ZHX2: variants seen among roughly 807,000 people sequenced by gnomAD.
The protein encoded by ZHX2 is zinc fingers and homeoboxes 2.
A neutral mutation model predicts 21.9 loss-of-function variants in ZHX2; 6 were observed. That is an observed-to-expected ratio of 0.27 (90% CI 0.15 to 0.54). The LOEUF is 0.54. Among genes scored for constraint, ZHX2 ranks in the 20% least tolerant of loss-of-function variants. The pLI, the probability that ZHX2 is intolerant of heterozygous loss-of-function variation, is 0.95. For missense variants in ZHX2, 908 were observed against 1,090.7 expected, an observed-to-expected ratio of 0.83 and a Z score of 2.36; for synonymous variants, 434 against 437.1, an observed-to-expected ratio of 0.99 and a Z score of 0.09.
intron 2 of ZHX2, among the ~76,000 whole-genome samples, chr8:122,879,161 A>G (rs1198009167): frequency 6.6e-6 from 1 of 152,182 alleles, no homozygotes; most frequent in African/African-American, 2.4e-5. Flanking sequence ...CTGCCTAGAA[A>G]TGGAGGTCAA....
chr8:122,955,839 A>ATTTTTTT, intron 3 of ZHX2, among the ~76,000 whole-genome samples: 1 of 104,922 alleles, frequency 9.5e-6, no homozygotes, highest in Non-Finnish European at 1.8e-5. Context: ...TGAGGGAGTG[A>ATTTTTTT]TTTTTTTTTT....
At chr8:122,853,040 A>G (rs1391874296) in intron 1 of ZHX2, among the ~76,000 whole-genome samples, 1 of 152,128 alleles carries the variant, frequency 6.6e-6, no homozygotes, top group African/African-American at 2.4e-5. Flanking sequence ...ATGGAGAAAA[A>G]GGTTGAGAAA....
chr8:122,881,408 G>A (rs1315358785), intron 2 of ZHX2, among the ~76,000 whole-genome samples: 1 of 152,204 alleles, frequency 6.6e-6, no homozygotes, highest in East Asian at 1.9e-4. Flanking sequence ...CCAAGTTATT[G>A]ACTTCTCTGT....
chr8:122,966,760 A>AAG (rs1563610957), intron 3 of ZHX2, among the ~76,000 whole-genome samples: 1 of 152,206 alleles, frequency 6.6e-6, no homozygotes. Context: ...TCTAGACTTT[A>AAG]AGATTTCTCT....
intron 3 of ZHX2, among the ~76,000 whole-genome samples, chr8:122,967,177 C>T (rs6470126): frequency 0.63 from 95,909 of 152,068 alleles, 31,015 homozygotes; most frequent in African/African-American, 0.78. Context: ...GGTTTGAGTC[C>T]GTTGCTAGAG....
chr8:122,840,267 C>G (rs1207043048), intron 1 of ZHX2, among the ~76,000 whole-genome samples: 1 of 152,162 alleles, frequency 6.6e-6, no homozygotes, highest in East Asian at 1.9e-4. Context: ...TTACTCTTCC[C>G]ACAGTTACTC....
intron 1 of ZHX2, among the ~76,000 whole-genome samples, chr8:122,858,634 CTTTCTT>C (rs1210211669): frequency 3.2e-5 from 4 of 124,064 alleles, no homozygotes; most frequent in African/African-American, 8.8e-5. Context: ...TTTTTTCTTT[CTTTCTT>C]TTTTTTTTTT....
intron 2 of ZHX2, among the ~76,000 whole-genome samples, chr8:122,891,767 C>A (rs1819985942): frequency 6.6e-6 from 1 of 152,046 alleles, no homozygotes. Flanking sequence ...TAGTTTTATT[C>A]CATTGTGGTG....
chr8:122,916,520 T>A (rs1463807055), intron 2 of ZHX2, among the ~76,000 whole-genome samples: 1 of 152,182 alleles, frequency 6.6e-6, no homozygotes, highest in Admixed American at 6.5e-5. Context: ...CTAGAGGTAC[T>A]TTTTTGAGGC....
At chr8:122,964,303 C>T (rs1813526618) in intron 3 of ZHX2, among the ~76,000 whole-genome samples, 1 of 151,976 alleles carries the variant, frequency 6.6e-6, no homozygotes, top group South Asian at 2.1e-4. Context: ...CTTTTATTAC[C>T]TCAAGGTGTG....
intron 3 of ZHX2, among the ~76,000 whole-genome samples, chr8:122,966,534 A>T (rs748402635): frequency 8.5e-5 from 13 of 152,238 alleles, no homozygotes; most frequent in Non-Finnish European, 1.6e-4. Context: ...TGTGAATCTG[A>T]TAGGTTTTCC....
intron 1 of ZHX2, among the ~76,000 whole-genome samples, chr8:122,833,989 T>A (rs546901540): frequency 0.028 from 3,559 of 126,132 alleles, 79 homozygotes; most frequent in Non-Finnish European, 0.04. Flanking sequence ...AGAGCAAGAC[T>A]CCGTCTCAAA....
chr8:122,861,559 G>C (rs1427283244), intron 1 of ZHX2, among the ~76,000 whole-genome samples: 4 of 152,062 alleles, frequency 2.6e-5, no homozygotes, highest in Admixed American at 2.6e-4. Context: ...GCAGAGTGTG[G>C]AGCAAGAGCA....
intron 2 of ZHX2, among the ~76,000 whole-genome samples, chr8:122,881,456 AT>A (rs1323856313): frequency 3.9e-5 from 6 of 152,174 alleles, no homozygotes; most frequent in Admixed American, 2.0e-4. Context: ...GGATAATTGT[AT>A]TTACCTCTCA....
At position 122,920,299 on chromosome 8, in the gene ZHX2, A is replaced by G. The variant is rs150724347; in HGVS notation, c.-219-30993A>G. On this transcript the variant is annotated intron_variant, in intron 2 of 3. Transcript: ENST00000314393. ...CAAAAACAAACAAAAAAAAAATTCAAATTGAATCCTGTTGTATATACTTGT... is the reference window on the plus strand; with the variant it reads ...CAAAAACAAACAAAAAAAAAATTCAGATTGAATCCTGTTGTATATACTTGT... Among the ~76,000 whole-genome samples the G allele has an allele frequency of 3.9e-5, 6 of 152,256 alleles. No homozygotes were observed. The East Asian group carries it at 5.8e-4, about 15-fold the overall frequency.
intron 1 of ZHX2, among the ~76,000 whole-genome samples, chr8:122,809,956 G>A (rs1817894174): frequency 6.6e-6 from 1 of 152,116 alleles, no homozygotes; most frequent in Non-Finnish European, 1.5e-5. Flanking sequence ...AGGGGGGGTG[G>A]AGGGCTACTT....
chr8:122,870,779 G>A (rs1393097685), intron 2 of ZHX2, among the ~76,000 whole-genome samples: 5 of 151,950 alleles, frequency 3.3e-5, no homozygotes, highest in Non-Finnish European at 7.4e-5. Flanking sequence ...GAGAGAAGGA[G>A]TGACCCTCTC....
intron 2 of ZHX2, among the ~76,000 whole-genome samples, chr8:122,876,244 T>A (rs919895704): frequency 1.3e-5 from 2 of 150,356 alleles, no homozygotes; most frequent in African/African-American, 4.9e-5. Flanking sequence ...AGTGCCTGGG[T>A]CCTCCAAATT....
At position 122,781,958 on chromosome 8, in the gene ZHX2, C is replaced by G. The variant is rs144933245; in HGVS notation, c.-283+12C>G. 6.6e-6 allele frequency: 1 copy of G among 152,322 alleles called. No individual in the cohort carries two copies. The highest frequency in any genetic ancestry group is 2.4e-5 in the African/African-American group (1 of 41,548). 9.4% of individuals were successfully genotyped at this position (152,322 alleles called of 1,614,324 possible). A position where few individuals can be genotyped will look rare whatever the true frequency, so the allele number is the denominator to read the frequency against. ...CAGCCCCAGCGCAGGTAAGAAACTT[C>G]GCCTCGGCGCGGAGCCCCCCAGCCG... On this transcript the variant is annotated intron_variant, in intron 1 of 3. Coordinates refer to ENST00000314393, the MANE Select transcript of ZHX2 (RefSeq NM_014943.5). The surrounding 1 kb of genome is among the most constrained non-coding windows in gnomAD (Gnocchi z 4.6).
Sources: gnomAD v4.1 joint callset for allele counts (sites outside exome capture counted in the v4.1 genomes callset) on GRCh38, gnomAD v4.1.1 for gene constraint, Gnocchi (gnomAD v3.1) non-coding constraint, MANE v1.5 for transcripts, NCBI Gene and HGNC (gene_info 2026-07-23, HGNC 2026-07-21) for gene names.